Variants in TRIOBP observed in about 807,000 individuals in gnomAD.
TRIOBP encodes the protein TRIO and F-actin-binding protein.
A neutral mutation model predicts 238.8 loss-of-function variants in TRIOBP; 169 were observed. The observed-to-expected ratio is 0.71, with a 90% CI of 0.62 to 0.80. TRIOBP has a LOEUF of 0.80. TRIOBP is among the 30% of genes least tolerant of loss of function. The probability of loss-of-function intolerance (pLI) is 0.00; values close to 1 mark genes in which losing one functional copy is unlikely to be tolerated. For synonymous variants in TRIOBP, 1,150 were observed against 1,274.4 expected, an observed-to-expected ratio of 0.90 and a Z score of 2.08; for missense variants, 2,838 against 3,122.6, an observed-to-expected ratio of 0.91 and a Z score of 2.17.
rs975927389 is a variant in TRIOBP at position 37,734,962 on chromosome 22, G to A, written c.4626G>A (p.Glu1542=). ...CCACTGCTGTGGGCTGGGGGGCAGA[G>A]GGAGCGTGTCCATACCCGCGTGGCT... ...GTPTAVGWGA[E]GACPYPRGSE... The change falls in exon 9 of 24, where the codon GAG becomes GAA. Residue 1542 remains glutamate, a synonymous_variant. Transcript: ENST00000644935. The A allele has an allele frequency of 1.2e-6, 2 of 1,613,520 alleles. No individual in the cohort carries two copies. Among genetic ancestry groups the A allele is most frequent in the Non-Finnish European group, 1.7e-6 (2 of 1,180,016 alleles).
intron 3 of TRIOBP, among the ~76,000 whole-genome samples, chr22:37,701,917 C>T (rs1040011262): frequency 9.9e-5 from 15 of 152,098 alleles, no homozygotes; most frequent in East Asian, 5.8e-4. Flanking sequence ...CACCCGAGGT[C>T]GGGAGTTTGA....
Position 37,723,736 on chromosome 22 carries a change from A to G in TRIOBP, c.1180A>G (p.Asn394Asp). 1 of 1,590,480 alleles carries G rather than the reference A, an allele frequency of 6.3e-7. No homozygotes were observed. The highest frequency in any genetic ancestry group is 1.7e-5 in the Admixed American group (1 of 57,750). Residue 394 changes from asparagine (N) to aspartate (D), a missense_variant, in exon 7 of 24, where the codon AAC (asparagine) becomes GAC (aspartate). By Grantham distance (23) the Asn-to-Asp change is conservative (BLOSUM62 1). Transcript: ENST00000644935. The part of the protein sequence containing the change: ...QQDDPRASSP[N>D]RTTQRENSRT... ...GGACGATCCCAGAGCCTCCTCTCCCAACAGAACCACTCAACGAGAGAATTC... is the reference window on the plus strand; with the variant it reads ...GGACGATCCCAGAGCCTCCTCTCCCGACAGAACCACTCAACGAGAGAATTC...
intron 7 of TRIOBP, among the ~76,000 whole-genome samples, chr22:37,728,062 G>T (rs1444628072): frequency 6.6e-6 from 1 of 152,110 alleles, no homozygotes; most frequent in Non-Finnish European, 1.5e-5. Flanking sequence ...ACCCTAAAGG[G>T]TATGGAATAT....
At chr22:37,741,873 T>C (rs552215423) in intron 11 of TRIOBP, among the ~76,000 whole-genome samples, 3 of 152,328 alleles carry the variant, frequency 2.0e-5, no homozygotes, top group African/African-American at 4.8e-5. Flanking sequence ...GACTCAGGGC[T>C]GCAGAGAGGG....
intron 4 of TRIOBP, among the ~76,000 whole-genome samples, chr22:37,712,830 G>A (rs931974879): frequency 6.6e-5 from 10 of 151,632 alleles, no homozygotes; most frequent in African/African-American, 9.7e-5. Context: ...GGTGGCGGGC[G>A]CCTGTAGTCC....
Position 37,731,313 on chromosome 22 carries a change from AT to A in TRIOBP, c.3948-1976del, listed in dbSNP as rs202179370. On this transcript the variant is annotated intron_variant, in intron 7 of 23. Coordinates refer to ENST00000644935, the MANE Select transcript of TRIOBP (RefSeq NM_001039141.3). ...CCACCATGCTCGGCTCATTAAAAAA[AT>A]TTTTTTTTCCTAGAACAAGGTCTCA... Among the ~76,000 whole-genome samples, 14 of 150,970 alleles carry A rather than the reference AT, an allele frequency of 9.3e-5. No homozygotes were observed. In the East Asian group the frequency reaches 2.5e-3, roughly 27 times the overall value.
intron 9 of TRIOBP, among the ~76,000 whole-genome samples, chr22:37,737,427 T>C (rs1601641483): frequency 1.3e-5 from 2 of 152,010 alleles, no homozygotes; most frequent in South Asian, 4.2e-4. Context: ...TTTGGGAGGC[T>C]GAGGCAGGCA....
chr22:37,716,007 T>C (rs891266571), intron 6 of TRIOBP, 73 bp downstream of exon 6: 23 of 1,563,252 alleles, frequency 1.5e-5, no homozygotes, highest in Non-Finnish European at 1.9e-5. Context: ...CACTGGCCAT[T>C]TGGGACTCTG....
intron 23 of TRIOBP, among the ~76,000 whole-genome samples, 175 bp downstream of exon 23, chr22:37,772,939 C>G (rs936022324): frequency 6.6e-6 from 1 of 152,158 alleles, no homozygotes; most frequent in African/African-American, 2.4e-5. Context: ...CCCATCAGAC[C>G]CGGGCCACAG....
rs1927003245 is a variant in TRIOBP, at chr22:37,775,793, AAAAG to A, written c.*2014_*2017del. On this transcript the variant is annotated 3_prime_UTR_variant, in exon 24 of 24. Coordinates refer to ENST00000644935, the MANE Select transcript of TRIOBP (RefSeq NM_001039141.3). ...CAAGGGCGAAACTCCATCTCAAAAA[AAAAG>A]GGGGAGGGTGGCGCAAGGAGAGGAC... 6.6e-6 allele frequency: 1 copy of A among 152,162 alleles called. No individual in the cohort carries two copies. The highest frequency in any genetic ancestry group is 1.5e-5 in the Non-Finnish European group (1 of 68,066). 9.4% of individuals were successfully genotyped at this position (152,162 alleles called of 1,614,324 possible). A position where few individuals can be genotyped will look rare whatever the true frequency, so the allele number is the denominator to read the frequency against.
At position 37,762,374 on chromosome 22, in the gene TRIOBP, C is replaced by T. The variant is rs561179578; in HGVS notation, c.6324+3110C>T. Among the ~76,000 whole-genome samples the T allele has an allele frequency of 7.2e-5, 11 of 152,308 alleles. No individual in the cohort carries two copies. The South Asian group carries it at 1.4e-3, about 20-fold the overall frequency. ...ACCACTGCACTGGCCCACCTTTGTC[C>T]GTTTTACTCATAGAGCCAGCTTTAG... On this transcript the variant is annotated intron_variant, in intron 17 of 23. Coordinates refer to ENST00000644935, the MANE Select transcript of TRIOBP (RefSeq NM_001039141.3).
chr22:37,757,508 C>T (rs1925990912), intron 15 of TRIOBP, 105 bp from the exon 16 acceptor site: 1 of 1,476,072 alleles, frequency 6.8e-7, no homozygotes, highest in Non-Finnish European at 9.1e-7. Flanking sequence ...GGGTCTGTCT[C>T]CAGCCCCTGG....
chr22:37,735,519 C>G, intron 9 of TRIOBP, 77 bp downstream of exon 9: 2 of 1,499,520 alleles, frequency 1.3e-6, no homozygotes, highest in Non-Finnish European at 1.8e-6. Flanking sequence ...AAAAGCCTCC[C>G]CTTGGAGTAG....
intron 4 of TRIOBP, among the ~76,000 whole-genome samples, chr22:37,711,476 G>C (rs943893586): frequency 3.3e-5 from 5 of 151,888 alleles, no homozygotes; most frequent in African/African-American, 1.2e-4. Context: ...CTGCTCGGGA[G>C]GCTGAGGCAG....
Position 37,757,604 on chromosome 22 carries a change from G to A in TRIOBP, c.5688-9G>A, listed in dbSNP as rs757152906. 1 of 1,573,186 alleles carries A rather than the reference G, an allele frequency of 6.4e-7. No homozygotes were observed. The highest frequency in any genetic ancestry group is 8.6e-7 in the Non-Finnish European group (1 of 1,163,214). On this transcript the variant is annotated splice_polypyrimidine_tract_variant and intron_variant, in intron 15 of 23. Transcript: ENST00000644935. ...GGACCCACCTGACGTGGCTCTGCTG[G>A]TGCCCTAGGCTCTCGGACTCTAACA...
chr22:37,735,264 G>A lies in TRIOBP; in HGVS notation c.4928G>A (p.Ser1643Asn), dbSNP rs1924615740. The change falls in exon 9 of 24, where the codon AGC becomes AAC. Residue 1643 changes from serine to asparagine, a missense_variant. Ser to Asn is a conservative substitution (Grantham distance 46, BLOSUM62 1). Transcript: ENST00000644935. ...WAEATPVNGH[S>N]PALQSQSPVQ... ...GAGGCCACCCCAGTCAATGGACACA[G>A]CCCCGCACTGCAGTCCCAGAGCCCG... 6.2e-7 allele frequency: 1 copy of A among 1,608,716 alleles called. No homozygotes were observed. Among genetic ancestry groups the A allele is most frequent in the African/African-American group, 1.3e-5 (1 of 74,938 alleles).
intron 6 of TRIOBP, among the ~76,000 whole-genome samples, chr22:37,719,125 C>G (rs551901144): frequency 1.3e-5 from 2 of 148,440 alleles, no homozygotes; most frequent in Non-Finnish European, 3.0e-5. Flanking sequence ...ATCGCTTGAA[C>G]TTGGGAGGTG....
chr22:37,763,566 T>C (rs1464921212), intron 17 of TRIOBP, among the ~76,000 whole-genome samples: 1 of 152,202 alleles, frequency 6.6e-6, no homozygotes, highest in Non-Finnish European at 1.5e-5. Context: ...GTTTCTTCCC[T>C]GGCTCTTCTT....
At chr22:37,751,565 C>G (rs188489363) in intron 11 of TRIOBP, 2 of 606,762 alleles carry the variant, frequency 3.3e-6, no homozygotes, top group African/African-American at 3.7e-5. Flanking sequence ...CTGAGTGCCA[C>G]TATCAGGAAA....
Sources: gnomAD v4.1 joint callset for allele counts (sites outside exome capture counted in the v4.1 genomes callset) on GRCh38, gnomAD v4.1.1 for gene constraint, MANE v1.5 for transcripts, NCBI Gene and HGNC (gene_info 2026-07-23, HGNC 2026-07-21) for gene names.